Variants in ATXN7L1 observed in about 807,000 individuals in gnomAD.
The protein encoded by ATXN7L1 is ataxin 7 like 1.
A neutral mutation model predicts 70.8 loss-of-function variants in ATXN7L1; 15 were observed. That is an observed-to-expected ratio of 0.21 (90% confidence interval 0.14 to 0.33). The LOEUF (loss-of-function observed/expected upper bound fraction) is 0.33. ATXN7L1 is among the 10% of genes least tolerant of loss of function. The pLI is 1.00. For synonymous variants in ATXN7L1, 440 were observed against 445.1 expected, an observed-to-expected ratio of 0.99 and a Z score of 0.14; for missense variants, 975 against 1,097.1, an observed-to-expected ratio of 0.89 and a Z score of 1.57.
chr7:105,811,785 T>G (rs962140883), intron 2 of ATXN7L1, among the ~76,000 whole-genome samples: 1 of 151,962 alleles, frequency 6.6e-6, no homozygotes, highest in African/African-American at 2.4e-5. Flanking sequence ...GCCCAGGAGG[T>G]AGAAGAAAAA....
intron 4 of ATXN7L1, among the ~76,000 whole-genome samples, chr7:105,657,476 G>A (rs1173233958): frequency 6.6e-6 from 1 of 151,878 alleles, no homozygotes; most frequent in Non-Finnish European, 1.5e-5. Flanking sequence ...ACTTCGGGAG[G>A]CTGAGTTGGG....
At chr7:105,650,839 A>G (rs558997413) in intron 4 of ATXN7L1, among the ~76,000 whole-genome samples, 1 of 152,372 alleles carries the variant, frequency 6.6e-6, no homozygotes, top group African/African-American at 2.4e-5. Flanking sequence ...AAAAATGGCC[A>G]GAAGCAAATC....
At chr7:105,810,527 G>A (rs1018853900) in intron 2 of ATXN7L1, among the ~76,000 whole-genome samples, 2 of 152,256 alleles carry the variant, frequency 1.3e-5, no homozygotes, top group Non-Finnish European at 2.9e-5. Context: ...CACTGAGAAG[G>A]TGATATCTGA....
intron 4 of ATXN7L1, among the ~76,000 whole-genome samples, chr7:105,657,736 A>C (rs1281568823): frequency 6.7e-6 from 1 of 148,798 alleles, no homozygotes; most frequent in African/African-American, 2.5e-5. Flanking sequence ...AAAAAAGATA[A>C]GAAAAAAAGT....
intron 3 of ATXN7L1, among the ~76,000 whole-genome samples, chr7:105,766,995 G>C (rs1268820019): frequency 2.0e-5 from 3 of 152,242 alleles, no homozygotes; most frequent in African/African-American, 4.8e-5. Flanking sequence ...GTGCAGCAGA[G>C]AGCAGATCTG....
Position 105,699,213 on chromosome 7 carries a change from A to G in ATXN7L1, c.356-33925T>C, listed in dbSNP as rs147353271. 1.5e-4 allele frequency among the ~76,000 whole-genome samples: 23 copies of G among 151,770 alleles called. No individual in the cohort carries two copies. In the East Asian group the frequency reaches 4.3e-3, roughly 28 times the overall value. On this transcript the variant is annotated intron_variant, in intron 3 of 11. Transcript: ENST00000419735. ...AGTTGTGCAATCTCGGCTCACTGCT[A>G]TCTCTGCCTCCCAGGTTCAAGTGAT...
chr7:105,627,102 C>G (rs1040555539), intron 7 of ATXN7L1, among the ~76,000 whole-genome samples: 2 of 152,190 alleles, frequency 1.3e-5, no homozygotes, highest in Admixed American at 6.5e-5. Flanking sequence ...CTAACAGGCT[C>G]TCTCTCTATG....
chr7:105,850,981 C>T (rs1814794622), intron 2 of ATXN7L1, among the ~76,000 whole-genome samples: 1 of 152,152 alleles, frequency 6.6e-6, no homozygotes, highest in Non-Finnish European at 1.5e-5. Flanking sequence ...CTTACCTCTT[C>T]ACCTAGACAC....
chr7:105,716,957 A>G (rs1360110374), intron 3 of ATXN7L1, among the ~76,000 whole-genome samples: 2 of 152,180 alleles, frequency 1.3e-5, no homozygotes, highest in South Asian at 2.1e-4. Context: ...AAGATTTTAG[A>G]AAATTCAGAT....
chr7:105,717,244 C>T (rs963613373), intron 3 of ATXN7L1, among the ~76,000 whole-genome samples: 1 of 152,210 alleles, frequency 6.6e-6, no homozygotes, highest in African/African-American at 2.4e-5. Flanking sequence ...TCTCCTGCCT[C>T]AGCCTCCTGA....
chr7:105,782,127 C>T (rs1803620726), intron 3 of ATXN7L1, among the ~76,000 whole-genome samples: 1 of 152,188 alleles, frequency 6.6e-6, no homozygotes, highest in Non-Finnish European at 1.5e-5. Flanking sequence ...AGCCACTGCG[C>T]CTGGCCTAGA....
At chr7:105,659,702 A>G (rs973148855) in intron 4 of ATXN7L1, among the ~76,000 whole-genome samples, 2 of 152,064 alleles carry the variant, frequency 1.3e-5, no homozygotes, top group African/African-American at 2.4e-5. Context: ...CCAATCCTCC[A>G]TGGCACCACC....
intron 3 of ATXN7L1, among the ~76,000 whole-genome samples, chr7:105,683,051 A>G (rs1805736806): frequency 6.6e-6 from 1 of 152,256 alleles, no homozygotes; most frequent in African/African-American, 2.4e-5. Flanking sequence ...CCCTTTCTGA[A>G]ATCACTTAAA....
chr7:105,641,687 C>T (rs1340777515), intron 5 of ATXN7L1, among the ~76,000 whole-genome samples: 2 of 152,226 alleles, frequency 1.3e-5, no homozygotes, highest in East Asian at 3.9e-4. Flanking sequence ...GCAGGAAGAG[C>T]CAGGTGCTGG....
At chr7:105,621,671 C>T (rs1794955350) in intron 8 of ATXN7L1, among the ~76,000 whole-genome samples, 1 of 152,170 alleles carries the variant, frequency 6.6e-6, no homozygotes, top group Admixed American at 6.5e-5. Flanking sequence ...GAGAAGGTGA[C>T]ATTTGGCTGG....
chr7:105,811,633 AT>A (rs2116541429), intron 2 of ATXN7L1, among the ~76,000 whole-genome samples: 1 of 152,276 alleles, frequency 6.6e-6, no homozygotes, highest in East Asian at 1.9e-4. Context: ...AATAGAATGC[AT>A]TTATAGCCAT....
At chr7:105,802,949 G>A (rs1053007838) in intron 2 of ATXN7L1, among the ~76,000 whole-genome samples, 4 of 152,224 alleles carry the variant, frequency 2.6e-5, no homozygotes, top group Non-Finnish European at 5.9e-5. Flanking sequence ...AAACTGCTGG[G>A]GTCAGGGCTG....
At chr7:105,848,193 AT>A (rs1814343305) in intron 2 of ATXN7L1, among the ~76,000 whole-genome samples, 1 of 152,260 alleles carries the variant, frequency 6.6e-6, no homozygotes, top group Non-Finnish European at 1.5e-5. Context: ...ATAAGATAAC[AT>A]TTGAACTTAT....
At chr7:105,866,576 T>C (rs1373981354) in intron 2 of ATXN7L1, among the ~76,000 whole-genome samples, 2 of 152,198 alleles carry the variant, frequency 1.3e-5, no homozygotes, top group Non-Finnish European at 2.9e-5. Flanking sequence ...TCATCATTAG[T>C]TCAAGCGCCT....
Sources: allele counts gnomAD v4.1 joint callset (sites outside exome capture counted in the v4.1 genomes callset), GRCh38; gene constraint gnomAD v4.1.1; transcripts MANE v1.5; gene names NCBI Gene and HGNC (gene_info 2026-07-23, HGNC 2026-07-21).